PRMT3: variants seen among roughly 807,000 people sequenced by gnomAD.
The protein encoded by PRMT3 is protein arginine N-methyltransferase 3.
A neutral mutation model predicts 71.9 loss-of-function variants in PRMT3; 62 were observed. The ratio of observed to expected loss-of-function variants is 0.86; its 90% confidence interval spans 0.70 to 1.07. The LOEUF is 1.07. Ranked by LOEUF, PRMT3 falls within the 50% of genes least tolerant of loss-of-function variation. The probability of loss-of-function intolerance (pLI) is 0.00; values close to 1 mark genes in which losing one functional copy is unlikely to be tolerated. For synonymous variants in PRMT3, 213 were observed against 220.4 expected (o/e 0.97, Z 0.30); for missense variants, 663 against 643.0 (o/e 1.03, Z -0.34).
intron 8 of PRMT3, chr11:20,405,969 CCCTT>C (rs1341938270): frequency 6.6e-6 from 1 of 152,194 alleles, no homozygotes; most frequent in African/African-American, 2.4e-5. Context: ...TCCCCATTCT[CCCTT>C]CCTCCCAGCC....
At chr11:20,406,863 T>A (rs557248133) in intron 8 of PRMT3, 1 of 152,338 alleles carries the variant, frequency 6.6e-6, no homozygotes, top group African/African-American at 2.4e-5. Context: ...AGGTGATATT[T>A]ATATTGATTT....
chr11:20,453,318 TAAAAAAAAAA>T (rs35130616), intron 11 of PRMT3, among the ~76,000 whole-genome samples: 1 of 96,806 alleles, frequency 1.0e-5, no homozygotes, highest in Non-Finnish European at 2.1e-5. Flanking sequence ...CCGTCTTTAC[TAAAAAAAAAA>T]AAAAAAAAAA....
At chr11:20,393,416 A>G (rs1292998186) in intron 5 of PRMT3, among the ~76,000 whole-genome samples, 6 of 151,770 alleles carry the variant, frequency 4.0e-5, no homozygotes, top group African/African-American at 1.2e-4. Context: ...AAAACTAAAA[A>G]CTCTGTGATC....
intron 10 of PRMT3, among the ~76,000 whole-genome samples, chr11:20,439,907 G>A (rs550235880): frequency 2.0e-4 from 30 of 152,266 alleles, no homozygotes; most frequent in African/African-American, 7.2e-4. Flanking sequence ...TTAAAACAGT[G>A]TTTTACTTGT....
At chr11:20,484,594 C>T (rs1281503321) in intron 13 of PRMT3, among the ~76,000 whole-genome samples, 1 of 152,148 alleles carries the variant, frequency 6.6e-6, no homozygotes, top group Non-Finnish European at 1.5e-5. Flanking sequence ...TGCTGCCATC[C>T]ATGTAAGACA....
At chr11:20,423,012 T>A (rs1849460942) in intron 9 of PRMT3, among the ~76,000 whole-genome samples, 1 of 152,176 alleles carries the variant, frequency 6.6e-6, no homozygotes, top group Non-Finnish European at 1.5e-5. Flanking sequence ...CCGAAGCAGC[T>A]GCTTTTAATA....
chr11:20,452,162 T>G lies in PRMT3; in HGVS notation c.1026T>G (p.Asp342Glu). The G allele has an allele frequency of 6.2e-7, 1 of 1,610,974 alleles. No individual in the cohort carries two copies. Among genetic ancestry groups the G allele is most frequent in the Non-Finnish European group, 8.5e-7 (1 of 1,177,586 alleles). ...TTCTTCTGTTTGAGTCTATGTTAGATTCTGTCCTTTATGCAAAGAACAAAT... is the reference window on the plus strand; with the variant it reads ...TTCTTCTGTTTGAGTCTATGTTAGAGTCTGTCCTTTATGCAAAGAACAAAT... ...GYFLLFESML[D>E]SVLYAKNKYL... Residue 342 changes from aspartate to glutamate, a missense_variant, in exon 11 of 16, where the codon GAT becomes GAG. Asp to Glu is a conservative substitution (Grantham distance 45). Coordinates refer to ENST00000331079, the MANE Select transcript of PRMT3 (RefSeq NM_005788.4).
chr11:20,507,308 C>G (rs1178829655), intron 15 of PRMT3, among the ~76,000 whole-genome samples: 1 of 152,166 alleles, frequency 6.6e-6, no homozygotes, highest in Non-Finnish European at 1.5e-5. Flanking sequence ...ATCACAAACT[C>G]TTTGAGGGCA....
At chr11:20,445,832 T>C (rs1850015085) in intron 10 of PRMT3, among the ~76,000 whole-genome samples, 1 of 152,154 alleles carries the variant, frequency 6.6e-6, no homozygotes. Context: ...AAACATACCT[T>C]TTTCTTTTTA....
intron 5 of PRMT3, among the ~76,000 whole-genome samples, chr11:20,395,162 T>A (rs1488138776): frequency 5.3e-5 from 8 of 152,168 alleles, no homozygotes; most frequent in Non-Finnish European, 1.0e-4. Flanking sequence ...GAAAGATACC[T>A]GCTGATCAAT....
chr11:20,391,338 C>T lies in PRMT3; in HGVS notation c.248-873C>T, dbSNP rs544031506. 6.6e-5 allele frequency among the ~76,000 whole-genome samples: 10 copies of T among 152,048 alleles called. No homozygotes were observed. In the South Asian group the frequency reaches 1.5e-3, roughly 22 times the overall value. On this transcript the variant is annotated intron_variant, in intron 3 of 15. Transcript: ENST00000331079. ...TCGGCTCACTGCAACCTCCGCCTCC[C>T]GGGTTCAAGTGATTCTCCTGCCTCA...
intron 8 of PRMT3, 113 bp from the exon 9 acceptor site, chr11:20,407,798 T>A: frequency 3.4e-6 from 4 of 1,173,944 alleles, no homozygotes; most frequent in Non-Finnish European, 4.6e-6. Context: ...CAGTTTCAGA[T>A]TTTTATTGTG....
chr11:20,428,023 G>A (rs1382610250), intron 10 of PRMT3, among the ~76,000 whole-genome samples: 1 of 151,982 alleles, frequency 6.6e-6, no homozygotes, highest in African/African-American at 2.4e-5. Context: ...GGGAGTTCCA[G>A]TCTAGAGCTG....
chr11:20,423,547 C>T (rs1040851062), intron 9 of PRMT3, among the ~76,000 whole-genome samples: 3 of 152,070 alleles, frequency 2.0e-5, no homozygotes, highest in East Asian at 1.9e-4. Flanking sequence ...ATTTTTACTT[C>T]GGCAGTTTAA....
chr11:20,485,386 A>G (rs1014921371), intron 13 of PRMT3, among the ~76,000 whole-genome samples: 1 of 152,238 alleles, frequency 6.6e-6, no homozygotes, highest in Admixed American at 6.5e-5. Context: ...GTAGACAATA[A>G]AAACAGAGCT....
At chr11:20,478,888 A>G (rs976149489) in intron 13 of PRMT3, among the ~76,000 whole-genome samples, 1 of 152,240 alleles carries the variant, frequency 6.6e-6, no homozygotes, top group Non-Finnish European at 1.5e-5. Context: ...GTATTAAATT[A>G]GCTCTTAGTA....
chr11:20,388,599 TC>T (rs560926747), intron 2 of PRMT3, among the ~76,000 whole-genome samples: 16 of 152,356 alleles, frequency 1.1e-4, no homozygotes, highest in African/African-American at 3.6e-4. Context: ...TACGGAGCCT[TC>T]CGGCTTTACC....
At position 20,402,919 on chromosome 11, in the gene PRMT3, G is replaced by T; in HGVS notation, c.706G>T (p.Asp236Tyr). 2 of 1,606,930 alleles carry T rather than the reference G, an allele frequency of 1.2e-6. No homozygotes were observed. The highest frequency in any genetic ancestry group is 1.1e-5 in the South Asian group (1 of 90,898). The change falls in exon 8 of 16, where the codon GAC (aspartate) becomes TAC (tyrosine). Residue 236 changes from aspartate (D) to tyrosine (Y), a missense_variant and splice_region_variant. Physicochemically the swap from Asp to Tyr is radical, Grantham distance 160. Transcript: ENST00000331079. ...HYGIHEEMLKDKIRTESYRDF... is the reference protein window; with the variant it reads ...HYGIHEEMLKYKIRTESYRDF... ...CAGCGTTTTCCTCTCTCCACCCTAG[G>T]ACAAAATACGAACAGAAAGCTACCG...
chr11:20,485,401 G>T (rs1373693541), intron 13 of PRMT3, among the ~76,000 whole-genome samples: 1 of 152,106 alleles, frequency 6.6e-6, no homozygotes, highest in Non-Finnish European at 1.5e-5. Flanking sequence ...AGAGCTCTAG[G>T]TGCTCCAGGA....
Sources: gnomAD v4.1 joint callset for allele counts (sites outside exome capture counted in the v4.1 genomes callset) on GRCh38, gnomAD v4.1.1 for gene constraint, MANE v1.5 for transcripts, NCBI Gene and HGNC (gene_info 2026-07-23, HGNC 2026-07-21) for gene names.